Variants in ATF7IP observed in about 807,000 individuals in gnomAD.
ATF7IP encodes activating transcription factor 7-interacting protein 1.
In ATF7IP, 23 loss-of-function variants were observed where a neutral mutation model predicts 106.4. The ratio of observed to expected loss-of-function variants is 0.22; its 90% CI spans 0.16 to 0.31. The LOEUF (loss-of-function observed/expected upper bound fraction) is 0.31. Among genes scored for constraint, ATF7IP ranks in the 10% least tolerant of loss-of-function variants. The pLI, the probability that ATF7IP is intolerant of heterozygous loss-of-function variation, is 1.00. For synonymous variants in ATF7IP, 542 were observed against 539.0 expected (o/e 1.01, Z -0.08); for missense variants, 1,334 against 1,524.3 (o/e 0.88, Z 2.08).
At chr12:14,398,117 T>C (rs899234007) in intron 1 of ATF7IP, among the ~76,000 whole-genome samples, 4 of 152,098 alleles carry the variant, frequency 2.6e-5, no homozygotes, top group Non-Finnish European at 5.9e-5. Flanking sequence ...TTTTTTTCTG[T>C]TTTAATAGTG....
At chr12:14,390,393 T>A (rs181208677) in intron 1 of ATF7IP, among the ~76,000 whole-genome samples, 2 of 152,268 alleles carry the variant, frequency 1.3e-5, no homozygotes, top group Non-Finnish European at 2.9e-5. Context: ...CAAGTAACGA[T>A]TGAAAGTGAA....
intron 1 of ATF7IP, among the ~76,000 whole-genome samples, chr12:14,382,940 A>G (rs1939056196): frequency 6.6e-6 from 1 of 152,208 alleles, no homozygotes; most frequent in Non-Finnish European, 1.5e-5. Context: ...AGGTTGAATC[A>G]TGTAGAGGAT....
rs1189193297 is a variant in ATF7IP, at chr12:14,422,305, AAG to A, written c.-7-1600_-7-1599del. On this transcript the variant is annotated intron_variant, in intron 1 of 14. Coordinates refer to ENST00000261168, the MANE Select transcript of ATF7IP (RefSeq NM_018179.5). ...AAACTGTAGCACAACTTACCAAAAA[AAG>A]AGAATACACACACACACACACACAC... is the stretch of plus-strand genomic sequence containing the variant. 4.4e-5 allele frequency among the ~76,000 whole-genome samples: 6 copies of A among 136,694 alleles called. No individual in the cohort carries two copies. In the Admixed American group the frequency reaches 5.0e-4, roughly 11 times the overall value. The allele number at this position is 136,694 out of a possible 152,430, so 89.7% of individuals were successfully genotyped here.
intron 12 of ATF7IP, among the ~76,000 whole-genome samples, chr12:14,480,724 T>G (rs1007006011): frequency 6.6e-6 from 1 of 152,218 alleles, no homozygotes; most frequent in African/African-American, 2.4e-5. Flanking sequence ...CTGCACCTTT[T>G]TAAAAAATCT....
intron 1 of ATF7IP, among the ~76,000 whole-genome samples, chr12:14,399,056 CAT>C (rs1414747365): frequency 6.6e-6 from 1 of 152,060 alleles, no homozygotes; most frequent in African/African-American, 2.4e-5. Flanking sequence ...GGATAAATAA[CAT>C]ATTTATTTTA....
At chr12:14,430,976 T>C (rs1049771379) in intron 2 of ATF7IP, among the ~76,000 whole-genome samples, 2 of 152,208 alleles carry the variant, frequency 1.3e-5, no homozygotes, top group East Asian at 1.9e-4. Flanking sequence ...CAAAAAAGAT[T>C]TGCCAATCTC....
rs1945180287 is a variant in ATF7IP at position 14,502,296 on chromosome 12, A to G, written c.*4223A>G. Reference sequence around the variant, plus strand: ...TTAACTTTTGGGACACACAAAAATCAGCAATTCTCATGAAGCGTTTGTTAG... The same window carrying G: ...TTAACTTTTGGGACACACAAAAATCGGCAATTCTCATGAAGCGTTTGTTAG... On this transcript the variant is annotated 3_prime_UTR_variant, in exon 15 of 15. Coordinates refer to ENST00000261168, the MANE Select transcript of ATF7IP (RefSeq NM_018179.5). The G allele has an allele frequency of 6.6e-6, 1 of 152,200 alleles. No homozygotes were observed. Among genetic ancestry groups the G allele is most frequent in the Non-Finnish European group, 1.5e-5 (1 of 68,022 alleles). The allele number at this position is 152,200 out of a possible 1,614,324, so 9.4% of individuals were successfully genotyped here. A position where few individuals can be genotyped will look rare whatever the true frequency, so the allele number is the denominator to read the frequency against.
At chr12:14,386,160 C>A (rs1231607431) in intron 1 of ATF7IP, among the ~76,000 whole-genome samples, 5 of 151,968 alleles carry the variant, frequency 3.3e-5, no homozygotes, top group Non-Finnish European at 7.4e-5. Context: ...TCATTTTAGT[C>A]TTAATTCAAA....
chr12:14,367,802 T>A (rs1475500732), intron 1 of ATF7IP, among the ~76,000 whole-genome samples: 1 of 152,086 alleles, frequency 6.6e-6, no homozygotes, highest in Admixed American at 6.6e-5. Flanking sequence ...CATGTAAACT[T>A]AATAAGATTA....
chr12:14,463,272 G>A (rs1943709020), intron 9 of ATF7IP, among the ~76,000 whole-genome samples: 1 of 151,966 alleles, frequency 6.6e-6, no homozygotes, highest in South Asian at 2.1e-4. Flanking sequence ...GCATTTGTAT[G>A]TATTTTATTG....
rs112276521 is a variant in ATF7IP at position 14,459,672 on chromosome 12, C to A, written c.2159-823C>A. Among the ~76,000 whole-genome samples the A allele has an allele frequency of 3.9e-5, 6 of 152,244 alleles. No homozygotes were observed. In the East Asian group the frequency reaches 1.2e-3, roughly 29 times the overall value. On this transcript the variant is annotated intron_variant, in intron 8 of 14. Transcript: ENST00000261168. ...GGGTCTCAGAAAACCCCAGGCACCC[C>A]GCTGGACCACACTTTGAGAAACTGC...
intron 8 of ATF7IP, among the ~76,000 whole-genome samples, chr12:14,457,519 A>C (rs555447951): frequency 1.3e-5 from 2 of 152,238 alleles, no homozygotes; most frequent in Non-Finnish European, 2.9e-5. Flanking sequence ...CCAGGAGTTC[A>C]AGTCAGCTTG....
In ATF7IP at chr12:14,409,360, T is replaced by C. The variant is rs944654705; in HGVS notation, c.-7-14549T>C. ...AGTATACCTCATTTAAAAACATTTA[T>C]CATCATTAATTACATATAAGGCCTT... On this transcript the variant is annotated intron_variant, in intron 1 of 14. Coordinates refer to ENST00000261168, the MANE Select transcript of ATF7IP (RefSeq NM_018179.5). Among the ~76,000 whole-genome samples, 21 of 151,906 alleles carry C rather than the reference T, an allele frequency of 1.4e-4. No homozygotes were observed. The South Asian group carries it at 1.4e-3, about 10-fold the overall frequency.
At chr12:14,457,119 C>T in intron 7 of ATF7IP, 88 bp from the exon 8 acceptor site, 1 of 1,136,564 alleles carries the variant, frequency 8.8e-7, no homozygotes, top group South Asian at 1.4e-5. Context: ...CCCTTTTTCC[C>T]CTGTGGGCCA....
At chr12:14,383,738 G>T (rs549013697) in intron 1 of ATF7IP, among the ~76,000 whole-genome samples, 1 of 151,986 alleles carries the variant, frequency 6.6e-6, no homozygotes, top group South Asian at 2.1e-4. Flanking sequence ...AATTTTTTTT[G>T]TAGAGACAGA....
intron 1 of ATF7IP, among the ~76,000 whole-genome samples, chr12:14,413,401 G>A (rs1033624111): frequency 3.9e-5 from 6 of 152,140 alleles, no homozygotes; most frequent in African/African-American, 1.2e-4. Context: ...GAGTAGATAG[G>A]TATTACCAGT....
intron 1 of ATF7IP, chr12:14,385,432 T>G (rs1478938750): frequency 1.3e-6 from 2 of 1,523,464 alleles, no homozygotes; most frequent in African/African-American, 2.8e-5. Context: ...ATCTTAAACA[T>G]TCTCATTTTT....
chr12:14,428,249 G>A (rs1941961262), intron 2 of ATF7IP, among the ~76,000 whole-genome samples: 2 of 152,196 alleles, frequency 1.3e-5, no homozygotes, highest in Non-Finnish European at 2.9e-5. Flanking sequence ...ACACAAGGCA[G>A]TTAAGTGCTG....
chr12:14,464,405 C>T (rs779483103), intron 9 of ATF7IP, among the ~76,000 whole-genome samples: 14 of 152,174 alleles, frequency 9.2e-5, no homozygotes, highest in Non-Finnish European at 1.6e-4. Flanking sequence ...ATTAAATGAG[C>T]GAAGTGTTTG....
Sources: gnomAD v4.1 joint callset for allele counts (sites outside exome capture counted in the v4.1 genomes callset) on GRCh38, gnomAD v4.1.1 for gene constraint, MANE v1.5 for transcripts, NCBI Gene and HGNC (gene_info 2026-07-23, HGNC 2026-07-21) for gene names.